Variants in CTNND2 observed in about 807,000 individuals in gnomAD.
CTNND2 encodes catenin delta-2.
A neutral mutation model predicts 144.4 loss-of-function variants in CTNND2; 22 were observed. The observed-to-expected ratio is 0.15, with a 90% CI of 0.11 to 0.22. The LOEUF (loss-of-function observed/expected upper bound fraction) is 0.22, where lower values mean the gene tolerates loss of function less well. CTNND2 is among the 10% of genes least tolerant of loss of function. The probability of loss-of-function intolerance (pLI) is 1.00; values close to 1 mark genes in which losing one functional copy is unlikely to be tolerated. For missense variants in CTNND2, 1,353 were observed against 1,618.8 expected (o/e 0.84, Z 2.82); for synonymous variants, 751 against 695.6 (o/e 1.08, Z -1.25).
rs577704481 is a variant in CTNND2, at chr5:11,556,452, T to C, written c.287+8492A>G. Reference sequence around the variant, plus strand: ...ATTTATTTCCTCATGAAAATTCACATTTATCATGCTTTTGAAGAAATAAAT... The same window carrying C: ...ATTTATTTCCTCATGAAAATTCACACTTATCATGCTTTTGAAGAAATAAAT... On this transcript the variant is annotated intron_variant, in intron 3 of 21. Transcript: ENST00000304623. Among the ~76,000 whole-genome samples the C allele has an allele frequency of 5.6e-4, 85 of 152,298 alleles. 1 individual carries two copies. Among genetic ancestry groups the C allele is most frequent in the Non-Finnish European group, 4.3e-4 (29 of 68,018 alleles).
rs528856180 is a variant in CTNND2, at chr5:11,767,823, G to A, written c.38-35551C>T. On this transcript the variant is annotated intron_variant, in intron 1 of 21. Coordinates refer to ENST00000304623, the MANE Select transcript of CTNND2 (RefSeq NM_001332.4). ...GAGGTCTGTTGACAGAGCCTTCATC[G>A]CTGTTCCCCCTGGCTAGACCATTGT... 7.2e-5 allele frequency among the ~76,000 whole-genome samples: 11 copies of A among 152,260 alleles called. No homozygotes were observed. The South Asian group carries it at 1.9e-3, about 26-fold the overall frequency.
At chr5:11,556,192 C>T (rs934914569) in intron 3 of CTNND2, among the ~76,000 whole-genome samples, 1 of 151,708 alleles carries the variant, frequency 6.6e-6, no homozygotes, top group Non-Finnish European at 1.5e-5. Context: ...TTTTTTTCCA[C>T]CTGGCAAATG....
chr5:11,325,148 G>A (rs989172174), intron 9 of CTNND2, among the ~76,000 whole-genome samples: 3 of 152,088 alleles, frequency 2.0e-5, no homozygotes, highest in Admixed American at 2.0e-4. Context: ...GCAGGCTTAC[G>A]AAAGGCTTGG....
At chr5:11,782,821 A>G (rs1400124463) in intron 1 of CTNND2, among the ~76,000 whole-genome samples, 1 of 152,168 alleles carries the variant, frequency 6.6e-6, no homozygotes, top group Non-Finnish European at 1.5e-5. Context: ...GCTTATAATC[A>G]AGTCCCCAAA....
intron 10 of CTNND2, among the ~76,000 whole-genome samples, chr5:11,233,295 GAA>G (rs528467966): frequency 6.6e-6 from 1 of 151,656 alleles, no homozygotes; most frequent in African/African-American, 2.4e-5. Context: ...GTATCATTTT[GAA>G]AAAAAATTGA....
chr5:11,733,857 G>A (rs545811855), intron 1 of CTNND2, among the ~76,000 whole-genome samples: 5 of 152,146 alleles, frequency 3.3e-5, no homozygotes, highest in South Asian at 2.1e-4. Flanking sequence ...CATCTTTCCC[G>A]CACAAACAAA....
chr5:11,652,268 C>T (rs756460043), intron 2 of CTNND2, among the ~76,000 whole-genome samples: 19 of 152,184 alleles, frequency 1.2e-4, no homozygotes, highest in Admixed American at 2.0e-4. Flanking sequence ...CCTCCTCCTA[C>T]GGCCACGTAA....
At chr5:11,558,936 C>T (rs188740015) in intron 3 of CTNND2, among the ~76,000 whole-genome samples, 1 of 152,174 alleles carries the variant, frequency 6.6e-6, no homozygotes, top group Non-Finnish European at 1.5e-5. Context: ...TTAGGTTCTA[C>T]ACTAGCACCA....
At chr5:11,412,665 C>A (rs1318638133) in intron 3 of CTNND2, among the ~76,000 whole-genome samples, 3 of 152,096 alleles carry the variant, frequency 2.0e-5, no homozygotes, top group African/African-American at 7.2e-5. Flanking sequence ...GCCAAAGATA[C>A]TGTATAGAGT....
rs571312321 is a variant in CTNND2 at position 11,193,593 on chromosome 5, G to T, written c.1975+5855C>A. ...TTTGGTTTAAATAATTTGCTCCTCT[G>T]ACCCCTTTTGGTGCCTCTTGGTGTA... is the stretch of plus-strand genomic sequence containing the variant. On this transcript the variant is annotated intron_variant, in intron 11 of 21. Coordinates refer to ENST00000304623, the MANE Select transcript of CTNND2 (RefSeq NM_001332.4). Among the ~76,000 whole-genome samples, 10 of 152,238 alleles carry T rather than the reference G, an allele frequency of 6.6e-5. No individual in the cohort carries two copies. The East Asian group carries it at 1.9e-3, about 29-fold the overall frequency.
At chr5:11,124,026 C>T (rs1754406543) in intron 12 of CTNND2, among the ~76,000 whole-genome samples, 1 of 152,172 alleles carries the variant, frequency 6.6e-6, no homozygotes. Context: ...GGGGATCTCA[C>T]AAGTAGAACA....
intron 2 of CTNND2, among the ~76,000 whole-genome samples, chr5:11,623,835 T>C (rs1342380561): frequency 6.5e-5 from 8 of 122,998 alleles, no homozygotes; most frequent in African/African-American, 1.4e-4. Flanking sequence ...TATATATATA[T>C]ATATATATAT....
At chr5:11,428,390 T>G (rs1762983688) in intron 3 of CTNND2, among the ~76,000 whole-genome samples, 1 of 152,192 alleles carries the variant, frequency 6.6e-6, no homozygotes, top group Non-Finnish European at 1.5e-5. Flanking sequence ...GTTCCAACTG[T>G]GAGGATCTCC....
chr5:11,502,093 C>G (rs1299331884), intron 3 of CTNND2, among the ~76,000 whole-genome samples: 1 of 146,114 alleles, frequency 6.8e-6, no homozygotes, highest in Non-Finnish European at 1.5e-5. Flanking sequence ...GAGGACACAA[C>G]AAGAAGGCAG....
chr5:11,330,002 A>G (rs1265756957), intron 9 of CTNND2, among the ~76,000 whole-genome samples: 1 of 152,184 alleles, frequency 6.6e-6, no homozygotes, highest in Non-Finnish European at 1.5e-5. Flanking sequence ...TACTGCAGTG[A>G]ATGAGCTAAT....
intron 3 of CTNND2, among the ~76,000 whole-genome samples, chr5:11,430,274 G>GT (rs144519157): frequency 0.056 from 7,384 of 130,966 alleles, 810 homozygotes; most frequent in African/African-American, 0.21. Flanking sequence ...AAAAAAAGGA[G>GT]TTTTTTTTTT....
At chr5:11,083,371 G>A (rs1406721917) in intron 15 of CTNND2, among the ~76,000 whole-genome samples, 1 of 152,148 alleles carries the variant, frequency 6.6e-6, no homozygotes, top group Non-Finnish European at 1.5e-5. Context: ...GGCAGGGGTG[G>A]ATAAATGTAA....
intron 3 of CTNND2, among the ~76,000 whole-genome samples, chr5:11,526,770 C>T (rs1481836513): frequency 6.6e-6 from 1 of 152,154 alleles, no homozygotes. Flanking sequence ...CCCAGGAGAA[C>T]TGAAACAGGG....
intron 1 of CTNND2, among the ~76,000 whole-genome samples, chr5:11,889,905 T>C (rs1373860696): frequency 6.6e-6 from 1 of 152,204 alleles, no homozygotes; most frequent in Non-Finnish European, 1.5e-5. Context: ...AGCATCTGAA[T>C]ATTTTATAGT....
Sources: gnomAD v4.1 joint callset for allele counts (sites outside exome capture counted in the v4.1 genomes callset) on GRCh38, gnomAD v4.1.1 for gene constraint, MANE v1.5 for transcripts, NCBI Gene and HGNC (gene_info 2026-07-23, HGNC 2026-07-21) for gene names.